The following ARSH variants were observed in gnomAD, a reference collection of about 807,000 sequenced individuals.
ARSH encodes arylsulfatase family member H.
In ARSH, 32 loss-of-function variants were observed where a neutral mutation model predicts 28.7. The ratio of observed to expected loss-of-function variants is 1.11; its 90% confidence interval spans 0.84 to 1.50. The LOEUF (loss-of-function observed/expected upper bound fraction) is 1.50, where lower values mean the gene tolerates loss of function less well. ARSH is among the 40% of genes most tolerant of loss of function. The probability of loss-of-function intolerance (pLI) is 0.00; values close to 1 mark genes in which losing one functional copy is unlikely to be tolerated. For missense variants in ARSH, 440 were observed against 452.4 expected, an observed-to-expected ratio of 0.97 and a Z score of 0.25; for synonymous variants, 176 against 177.3, an observed-to-expected ratio of 0.99 and a Z score of 0.06.
chrX:3,013,096 G>A lies in ARSH; in HGVS notation c.264G>A (p.Gly88=), dbSNP rs1569122830. The change falls in exon 3 of 9, where the codon GGG becomes GGA. Residue 88 remains glycine (G), a synonymous_variant. Coordinates refer to ENST00000381130, the MANE Select transcript of ARSH (RefSeq NM_001011719.2). ...ACCGTGCCTTCACGTGGCTTGGTGG[G>A]TCAGGTGGTCTTCCCACCAATGAAA... The part of the protein sequence containing the change: ...NLNRAFTWLG[G]SGGLPTNETT... 3.3e-6 allele frequency: 4 copies of A among 1,211,193 alleles called. No individual in the cohort carries two copies. Among genetic ancestry groups the A allele is most frequent in the Non-Finnish European group, 3.4e-6 (3 of 895,071 alleles).
At chrX:3,018,284 C>T (rs2089871344) in intron 4 of ARSH, among the ~76,000 whole-genome samples, 1 of 112,143 alleles carries the variant, frequency 8.9e-6, no homozygotes, top group South Asian at 3.7e-4. Flanking sequence ...TAGGCATGAG[C>T]CACTGTGCCT....
rs1317689038 is a variant in ARSH at position 3,033,008 on chromosome X, T to C, written c.1322-10T>C. 5.0e-6 allele frequency: 6 copies of C among 1,195,978 alleles called. No individual in the cohort carries two copies. The African/African-American group carries it at 8.8e-5, about 18-fold the overall frequency. ...AGATGGTATCATACATAATGCAACTTGTTTTTTAGGTGCAACTGTGTGGAA... is the reference window on the plus strand; with the variant it reads ...AGATGGTATCATACATAATGCAACTCGTTTTTTAGGTGCAACTGTGTGGAA... On this transcript the variant is annotated splice_polypyrimidine_tract_variant and intron_variant, in intron 8 of 8. Coordinates refer to ENST00000381130, the MANE Select transcript of ARSH (RefSeq NM_001011719.2).
chrX:3,006,819 C>A, intron 1 of ARSH, 115 bp downstream of exon 1: 1 of 602,958 alleles, frequency 1.7e-6, no homozygotes, highest in Non-Finnish European at 2.5e-6. Flanking sequence ...CTGATGTTAT[C>A]GGCAGGAATA....
At chrX:3,015,535 T>C in intron 4 of ARSH, 142 bp downstream of exon 4, 4 of 600,528 alleles carry the variant, frequency 6.7e-6, no homozygotes, top group Non-Finnish European at 1.0e-5. Context: ...CCTGTATTAA[T>C]TTGCTTAGAA....
intron 7 of ARSH, among the ~76,000 whole-genome samples, chrX:3,028,947 G>A (rs1286620514): frequency 2.8e-5 from 3 of 108,926 alleles, no homozygotes; most frequent in Non-Finnish European, 3.8e-5. Context: ...GCATGGTGGC[G>A]TGTGCCTGTA....
At chrX:3,028,360 G>A (rs1451470471) in intron 7 of ARSH, among the ~76,000 whole-genome samples, 2 of 108,546 alleles carry the variant, frequency 1.8e-5, no homozygotes, top group South Asian at 4.3e-4. Context: ...ACAGGCGGGC[G>A]CCACCATGCT....
intron 7 of ARSH, among the ~76,000 whole-genome samples, chrX:3,028,797 C>T (rs2089905500): frequency 9.0e-6 from 1 of 110,792 alleles, no homozygotes; most frequent in African/African-American, 3.3e-5. Context: ...ATTCCTTCTT[C>T]CGCCAGGCGC....
At chrX:3,007,336 C>T in intron 1 of ARSH, among the ~76,000 whole-genome samples, 1 of 111,107 alleles carries the variant, frequency 9.0e-6, no homozygotes, top group African/African-American at 3.3e-5. Context: ...ACAACCGTCA[C>T]CCCCACAAAG....
At position 3,015,246 on chromosome X, in the gene ARSH, T is replaced by G; in HGVS notation, c.617T>G (p.Leu206Arg). ...TTTGTCTTTGCTCTCCTCGCCTTTC[T>G]GTTTTTCACTTCCTGGTACTCTAGT... ...VIFVFALLAF[L>R]FFTSWYSSYG... Residue 206 changes from leucine (L) to arginine (R), a missense_variant, in exon 4 of 9, where the codon CTG becomes CGG. Transcript: ENST00000381130. 8.3e-7 allele frequency: 1 copy of G among 1,211,618 alleles called. No individual in the cohort carries two copies. Among genetic ancestry groups the G allele is most frequent in the Non-Finnish European group, 1.1e-6 (1 of 895,443 alleles).
At position 3,033,072 on chromosome X, in the gene ARSH, C is replaced by G. The variant is rs141297913; in HGVS notation, c.1376C>G (p.Thr459Arg). 5 of 1,209,017 alleles carry G rather than the reference C, an allele frequency of 4.1e-6. No individual in the cohort carries two copies. In the African/African-American group the frequency reaches 7.0e-5, roughly 17 times the overall value. The change falls in exon 9 of 9, where the codon ACA becomes AGA. Residue 459 changes from threonine (T) to arginine (R), a missense_variant. Transcript: ENST00000381130. ...ACTCCTAAATTCTACCCTGAAGGAACAGGTGCCTGCTATGGGAGTGGAATA... is the reference window on the plus strand; with the variant it reads ...ACTCCTAAATTCTACCCTGAAGGAAGAGGTGCCTGCTATGGGAGTGGAATA... ...YVTPKFYPEG[T>R]GACYGSGICS...
intron 5 of ARSH, among the ~76,000 whole-genome samples, chrX:3,021,442 T>G (rs996910044): frequency 8.9e-6 from 1 of 111,765 alleles, no homozygotes; most frequent in Non-Finnish European, 1.9e-5. Context: ...CCGTCATTTC[T>G]TATAAAAATT....
At chrX:3,012,133 G>A (rs1049074499) in intron 2 of ARSH, among the ~76,000 whole-genome samples, 5 of 112,069 alleles carry the variant, frequency 4.5e-5, no homozygotes, top group Admixed American at 1.9e-4. Context: ...CACTGAGCCC[G>A]GCCTGAAATT....
chrX:3,029,392 G>A, intron 8 of ARSH, 24 bp downstream of exon 8: 3 of 1,194,759 alleles, frequency 2.5e-6, no homozygotes, highest in Non-Finnish European at 3.4e-6. Context: ...CTGTGGACAC[G>A]TGGAAAGACG....
intron 3 of ARSH, among the ~76,000 whole-genome samples, chrX:3,013,785 C>T (rs1159653825): frequency 1.8e-5 from 2 of 110,864 alleles, no homozygotes; most frequent in East Asian, 2.8e-4. Context: ...GCCACAGCTC[C>T]GAGATATCCC....
rs185980904 is a variant in ARSH, at chrX:3,011,633, G to A, written c.215-1414G>A. On this transcript the variant is annotated intron_variant, in intron 2 of 8. Coordinates refer to ENST00000381130, the MANE Select transcript of ARSH (RefSeq NM_001011719.2). ...TAAGAAAAAAATTAGGTGATTGGTG[G>A]AGAGATTTCAAGTCATTGCCATGTG... Among the ~76,000 whole-genome samples the A allele has an allele frequency of 5.5e-3, 615 of 111,796 alleles. 5 individuals carry two copies. Among genetic ancestry groups the A allele is most frequent in the Middle Eastern group, 9.2e-3 (2 of 217 alleles).
intron 5 of ARSH, among the ~76,000 whole-genome samples, chrX:3,021,434 G>A (rs972699120): frequency 1.8e-5 from 2 of 111,268 alleles, no homozygotes; most frequent in South Asian, 3.8e-4. Flanking sequence ...AGTTTTCTCC[G>A]TCATTTCTTA....
At position 3,018,665 on chromosome X, in the gene ARSH, T is replaced by C; in HGVS notation, c.896T>C (p.Met299Thr). 1.7e-6 allele frequency: 2 copies of C among 1,209,969 alleles called. No homozygotes were observed. The highest frequency in any genetic ancestry group is 2.2e-6 in the Non-Finnish European group (2 of 894,489). Residue 299 changes from methionine to threonine, a missense_variant, in exon 5 of 9, where the codon ATG (methionine) becomes ACG (threonine). Transcript: ENST00000381130. ...GACAATGTAGAAGAAATGGATTGGA[T>C]GGTGGGTAAGTATTCAGTAACAGAA... ...YGDNVEEMDW[M>T]VGKILDALDQ...
chrX:3,009,704 C>T (rs1569122079), intron 1 of ARSH, among the ~76,000 whole-genome samples: 1 of 110,878 alleles, frequency 9.0e-6, no homozygotes, highest in African/African-American at 3.3e-5. Flanking sequence ...CTAAATTACC[C>T]ATTAATTTTA....
At chrX:3,032,951 C>A (rs1460201917) in intron 8 of ARSH, 67 bp from the exon 9 acceptor site, 10 of 1,116,898 alleles carry the variant, frequency 9.0e-6, no homozygotes, top group Non-Finnish European at 1.1e-5. Flanking sequence ...AGAAAAACAT[C>A]TTTAACGAAA....
Sources: gnomAD v4.1 joint callset for allele counts (sites outside exome capture counted in the v4.1 genomes callset) on GRCh38, gnomAD v4.1.1 for gene constraint, MANE v1.5 for transcripts, NCBI Gene and HGNC (gene_info 2026-07-23, HGNC 2026-07-21) for gene names.